The following MS4A4A variants were observed in gnomAD, a reference collection of about 807,000 sequenced individuals.
MS4A4A encodes membrane spanning 4-domains A4A, also known as membrane-spanning 4-domains subfamily A member 4A.
Under a neutral mutation model 28.0 loss-of-function variants are expected in MS4A4A, and 26 were observed. The observed-to-expected ratio is 0.93, with a 90% CI of 0.68 to 1.29. The LOEUF is 1.29. MS4A4A is among the 50% of genes most tolerant of loss of function. The pLI, the probability that MS4A4A is intolerant of heterozygous loss-of-function variation, is 0.00. For synonymous variants in MS4A4A, 86 were observed against 100.8 expected, an observed-to-expected ratio of 0.85 and a Z score of 0.88; for missense variants, 290 against 293.1, an observed-to-expected ratio of 0.99 and a Z score of 0.08.
At chr11:60,299,812 T>C (rs1212166006) in intron 3 of MS4A4A, among the ~76,000 whole-genome samples, 1 of 152,214 alleles carries the variant, frequency 6.6e-6, no homozygotes, top group African/African-American at 2.4e-5. Context: ...TAATGTTGAA[T>C]TGTATTAAAT....
At chr11:60,289,012 G>A (rs551895503) in intron 1 of MS4A4A, among the ~76,000 whole-genome samples, 2 of 152,260 alleles carry the variant, frequency 1.3e-5, no homozygotes, top group East Asian at 1.9e-4. Context: ...ATGGCAGCCT[G>A]GCCTCAGCAG....
At chr11:60,283,258 G>T (rs970131234) in intron 1 of MS4A4A, among the ~76,000 whole-genome samples, 12 of 152,074 alleles carry the variant, frequency 7.9e-5, no homozygotes, top group African/African-American at 2.9e-4. Context: ...GTAGAGATGG[G>T]GTTTCACCAT....
intron 1 of MS4A4A, among the ~76,000 whole-genome samples, chr11:60,291,308 C>T (rs1166742794): frequency 2.0e-5 from 3 of 152,004 alleles, no homozygotes; most frequent in Non-Finnish European, 4.4e-5. Context: ...TGACTGAGAG[C>T]CATAAGTTTC....
intron 3 of MS4A4A, 105 bp downstream of exon 3, chr11:60,297,430 T>A: frequency 7.6e-7 from 1 of 1,320,098 alleles, no homozygotes; most frequent in Non-Finnish European, 1.0e-6. Context: ...TCTGTAAATC[T>A]GAGAGTGGTA....
chr11:60,288,685 A>G (rs970953466), intron 1 of MS4A4A, among the ~76,000 whole-genome samples: 2 of 152,166 alleles, frequency 1.3e-5, no homozygotes, highest in Non-Finnish European at 2.9e-5. Context: ...AGGGCATGGC[A>G]ATATCCCAGG....
In MS4A4A at chr11:60,308,856, C is replaced by T. The variant is rs535024734; in HGVS notation, c.*678C>T. The stretch of plus-strand genomic sequence containing the variant: ...TTCATCTTCTTCCTTTCCCTTCTCC[C>T]ACCTTCTACTGGGCATAATTATATC... On this transcript the variant is annotated 3_prime_UTR_variant, in exon 7 of 7. Coordinates refer to ENST00000337908, the MANE Select transcript of MS4A4A (RefSeq NM_148975.3). 6.6e-6 allele frequency: 1 copy of T among 152,314 alleles called. No homozygotes were observed. The highest frequency in any genetic ancestry group is 1.9e-4 in the East Asian group (1 of 5,186). 9.4% of individuals were successfully genotyped at this position (152,314 alleles called of 1,614,324 possible). A position where few individuals can be genotyped will look rare whatever the true frequency, so the allele number is the denominator to read the frequency against.
At chr11:60,306,584 C>G (rs1356805969) in intron 6 of MS4A4A, among the ~76,000 whole-genome samples, 2 of 152,154 alleles carry the variant, frequency 1.3e-5, no homozygotes, top group Admixed American at 1.3e-4. Context: ...TCTTGATAAA[C>G]TGAAAGTCAA....
chr11:60,285,799 G>A (rs1187977632), intron 1 of MS4A4A, among the ~76,000 whole-genome samples: 1 of 152,166 alleles, frequency 6.6e-6, no homozygotes, highest in Non-Finnish European at 1.5e-5. Flanking sequence ...CACAAGGCCA[G>A]GGTGAAATTA....
intron 3 of MS4A4A, among the ~76,000 whole-genome samples, chr11:60,300,611 G>A (rs1393236033): frequency 6.5e-5 from 5 of 76,566 alleles, no homozygotes; most frequent in Admixed American, 2.9e-4. Flanking sequence ...GCGAGACTCC[G>A]TCTCAAAAAA....
chr11:60,290,781 T>TTG (rs2084848555), intron 1 of MS4A4A, among the ~76,000 whole-genome samples: 1 of 152,160 alleles, frequency 6.6e-6, no homozygotes, highest in Non-Finnish European at 1.5e-5. Flanking sequence ...TCTTCTGACT[T>TTG]TAATCAGTTT....
chr11:60,308,199 A>T lies in MS4A4A; in HGVS notation c.*21A>T, dbSNP rs1163773238. The T allele has an allele frequency of 5.0e-6, 8 of 1,608,718 alleles. No homozygotes were observed. In the Admixed American group the frequency reaches 1.3e-4, roughly 27 times the overall value. On this transcript the variant is annotated 3_prime_UTR_variant, in exon 7 of 7. Coordinates refer to ENST00000337908, the MANE Select transcript of MS4A4A (RefSeq NM_148975.3). ...TTTGAGGCCACCAAAAGATCAACAGACAAATGCTCCAGAAATCTATGCTGA... is the reference window on the plus strand; with the variant it reads ...TTTGAGGCCACCAAAAGATCAACAGTCAAATGCTCCAGAAATCTATGCTGA...
Position 60,308,279 on chromosome 11 carries a change from T to C in MS4A4A, c.*101T>C, listed in dbSNP as rs534778544. ...TACCAGTATCCAACTTCGATACTGA[T>C]AGACTTGTTGATATTATTATTATAT... On this transcript the variant is annotated 3_prime_UTR_variant, in exon 7 of 7. Transcript: ENST00000337908. 591 of 983,124 alleles carry C rather than the reference T, an allele frequency of 6.0e-4. 3 individuals carry two copies. In the African/African-American group the frequency reaches 9.0e-3, roughly 15 times the overall value. The allele number at this position is 983,124 out of a possible 1,614,324, so 60.9% of individuals were successfully genotyped here.
intron 1 of MS4A4A, among the ~76,000 whole-genome samples, chr11:60,281,503 G>A (rs1356361832): frequency 6.6e-6 from 1 of 152,132 alleles, no homozygotes; most frequent in Non-Finnish European, 1.5e-5. Flanking sequence ...CCTAGCCCGG[G>A]CCTTTCCCCC....
chr11:60,283,304 C>T (rs560651998), intron 1 of MS4A4A, among the ~76,000 whole-genome samples: 5 of 152,206 alleles, frequency 3.3e-5, no homozygotes, highest in Middle Eastern at 3.4e-3. Context: ...TGGGCTCCAG[C>T]GGTCCTCCCA....
rs2085022484 is a variant in MS4A4A at position 60,308,218 on chromosome 11, A to G, written c.*40A>G. The G allele has an allele frequency of 1.3e-6, 2 of 1,584,344 alleles. No individual in the cohort carries two copies. Among genetic ancestry groups the G allele is most frequent in the Non-Finnish European group, 1.7e-6 (2 of 1,153,486 alleles). On this transcript the variant is annotated 3_prime_UTR_variant, in exon 7 of 7. Coordinates refer to ENST00000337908, the MANE Select transcript of MS4A4A (RefSeq NM_148975.3). ...CAACAGACAAATGCTCCAGAAATCT[A>G]TGCTGACTGTGACACAAGAGCCTCA...
chr11:60,289,693 CAT>C (rs1440117385), intron 1 of MS4A4A, among the ~76,000 whole-genome samples: 6 of 151,636 alleles, frequency 4.0e-5, no homozygotes, highest in Non-Finnish European at 7.4e-5. Context: ...TCTAATCAGA[CAT>C]ATTGTAGACC....
chr11:60,280,922 G>A (rs1354951528), intron 1 of MS4A4A, among the ~76,000 whole-genome samples: 2 of 152,150 alleles, frequency 1.3e-5, no homozygotes, highest in Non-Finnish European at 2.9e-5. Context: ...ACAGTCGATA[G>A]GAGTTAGAAA....
intron 2 of MS4A4A, among the ~76,000 whole-genome samples, chr11:60,296,210 C>A (rs2135023321): frequency 1.3e-5 from 2 of 151,974 alleles, no homozygotes; most frequent in East Asian, 1.9e-4. Flanking sequence ...GACAAATTGT[C>A]TTTAAGGAGT....
intron 1 of MS4A4A, among the ~76,000 whole-genome samples, chr11:60,289,595 A>ATGTGTGTGTGTG (rs34230139): frequency 7.8e-6 from 1 of 127,984 alleles, no homozygotes; most frequent in Non-Finnish European, 1.7e-5. Context: ...GTGTGTGTGT[A>ATGTGTGTGTGTG]TGTGTGTGTG....
Sources: allele counts gnomAD v4.1 joint callset (sites outside exome capture counted in the v4.1 genomes callset), GRCh38; gene constraint gnomAD v4.1.1; transcripts MANE v1.5; gene names NCBI Gene and HGNC (gene_info 2026-07-23, HGNC 2026-07-21).